PRMT3: variants seen among roughly 807,000 people sequenced by gnomAD.
The protein encoded by PRMT3 is protein arginine methyltransferase 3, also known as protein arginine N-methyltransferase 3.
Under a neutral mutation model 71.9 loss-of-function variants are expected in PRMT3, and 62 were observed. The observed-to-expected ratio is 0.86, with a 90% CI of 0.70 to 1.07. The LOEUF is 1.07. Among genes scored for constraint, PRMT3 ranks in the 50% least tolerant of loss-of-function variants. The probability of loss-of-function intolerance (pLI) is 0.00; values close to 1 mark genes in which losing one functional copy is unlikely to be tolerated. For missense variants in PRMT3, 663 were observed against 643.0 expected (o/e 1.03, Z -0.34); for synonymous variants, 213 against 220.4 (o/e 0.97, Z 0.30).
intron 5 of PRMT3, 47 bp from the exon 6 acceptor site, chr11:20,395,756 T>G: frequency 6.4e-7 from 1 of 1,553,318 alleles, no homozygotes. Flanking sequence ...TATACTTGTT[T>G]TATTGTTATA....
At chr11:20,404,879 C>T (rs1849037758) in intron 8 of PRMT3, among the ~76,000 whole-genome samples, 2 of 151,986 alleles carry the variant, frequency 1.3e-5, no homozygotes, top group African/African-American at 4.8e-5. Flanking sequence ...TTCTTTTAGC[C>T]ATCTTCTCTT....
At chr11:20,460,128 T>C (rs1452795020) in intron 11 of PRMT3, among the ~76,000 whole-genome samples, 2 of 152,232 alleles carry the variant, frequency 1.3e-5, no homozygotes, top group African/African-American at 4.8e-5. Context: ...GAGAATAATT[T>C]AGTGCTGCTG....
chr11:20,446,555 A>G (rs943276032), intron 10 of PRMT3, among the ~76,000 whole-genome samples: 4 of 152,110 alleles, frequency 2.6e-5, no homozygotes, highest in Non-Finnish European at 5.9e-5. Context: ...AATATTCTCC[A>G]TAAGCTCTAT....
chr11:20,402,281 G>A (rs1437030106), intron 7 of PRMT3, among the ~76,000 whole-genome samples: 1 of 151,844 alleles, frequency 6.6e-6, no homozygotes, highest in African/African-American at 2.4e-5. Flanking sequence ...CACCACACCC[G>A]ACTAATTTTG....
chr11:20,483,255 G>C (rs1395335434), intron 13 of PRMT3, among the ~76,000 whole-genome samples: 1 of 152,020 alleles, frequency 6.6e-6, no homozygotes, highest in Non-Finnish European at 1.5e-5. Context: ...ATGCTGCGTT[G>C]ATTTGTAAAT....
rs575753683 is a variant in PRMT3 at position 20,480,462 on chromosome 11, A to G, written c.1348-13457A>G. 9.6e-4 allele frequency among the ~76,000 whole-genome samples: 146 copies of G among 152,330 alleles called. 2 individuals carry two copies. In the South Asian group the frequency reaches 0.03, roughly 31 times the overall value. ...AGGTTTAAGGAGTTGAAAGAAGCCT[A>G]GGATGGCTGGGACATGTAGATCATA... On this transcript the variant is annotated intron_variant, in intron 13 of 15. Transcript: ENST00000331079.
At chr11:20,468,007 T>A (rs1850553603) in intron 13 of PRMT3, among the ~76,000 whole-genome samples, 1 of 152,186 alleles carries the variant, frequency 6.6e-6, no homozygotes, top group South Asian at 2.1e-4. Context: ...GTCGCCCAGT[T>A]TATGTGGGAA....
At chr11:20,453,094 G>A (rs562752032) in intron 11 of PRMT3, among the ~76,000 whole-genome samples, 1 of 152,160 alleles carries the variant, frequency 6.6e-6, no homozygotes, top group Admixed American at 6.5e-5. Flanking sequence ...AAAGGGGCAG[G>A]CATTTCAAAC....
At chr11:20,504,412 A>C (rs1183466404) in intron 15 of PRMT3, among the ~76,000 whole-genome samples, 141 of 152,286 alleles carry the variant, frequency 9.3e-4, no homozygotes, top group African/African-American at 3.3e-3. Flanking sequence ...ACAAAATGGC[A>C]AGATTTACAC....
At chr11:20,439,396 A>G (rs1379070054) in intron 10 of PRMT3, among the ~76,000 whole-genome samples, 4 of 152,150 alleles carry the variant, frequency 2.6e-5, no homozygotes, top group South Asian at 4.1e-4. Context: ...CAATGTGGCC[A>G]TCCTGAGTTT....
At chr11:20,498,527 G>C (rs535240879) in intron 15 of PRMT3, among the ~76,000 whole-genome samples, 1 of 152,264 alleles carries the variant, frequency 6.6e-6, no homozygotes, top group African/African-American at 2.4e-5. Context: ...TCAGGAGTTC[G>C]AGACAGGCCT....
At chr11:20,467,525 G>A (rs1417713637) in intron 13 of PRMT3, among the ~76,000 whole-genome samples, 7 of 152,174 alleles carry the variant, frequency 4.6e-5, no homozygotes, top group Non-Finnish European at 1.5e-5. Flanking sequence ...CAGGCTTCGT[G>A]TTGCATTTGA....
intron 10 of PRMT3, among the ~76,000 whole-genome samples, chr11:20,438,497 G>A (rs1320306169): frequency 6.6e-6 from 1 of 152,090 alleles, no homozygotes; most frequent in Non-Finnish European, 1.5e-5. Flanking sequence ...ACTCGTGGGG[G>A]TTAGTCTAGC....
chr11:20,387,826 G>A lies in PRMT3; in HGVS notation c.28+52G>A, dbSNP rs1848628372. The stretch of plus-strand genomic sequence containing the variant: ...GGCTCGTCCAGCCCCAGGCCGCGCC[G>A]CTGTGGGGCCGGTGGAAGACCCTCC... On this transcript the variant is annotated intron_variant, in intron 1 of 15. Transcript: ENST00000331079. This position sits in a 1 kb window ranked among gnomAD's most constrained non-coding sequence, Gnocchi z 4.3. The A allele has an allele frequency of 6.5e-7, 1 of 1,539,274 alleles. No individual in the cohort carries two copies. The highest frequency in any genetic ancestry group is 8.7e-7 in the Non-Finnish European group (1 of 1,145,148).
intron 10 of PRMT3, among the ~76,000 whole-genome samples, chr11:20,439,958 AG>A (rs1298929338): frequency 2.6e-5 from 4 of 152,206 alleles, no homozygotes; most frequent in Non-Finnish European, 5.9e-5. Context: ...CATACTCATA[AG>A]GTCACTTGAT....
chr11:20,396,312 G>A (rs1253048525), intron 6 of PRMT3, among the ~76,000 whole-genome samples: 1 of 152,046 alleles, frequency 6.6e-6, no homozygotes, highest in Non-Finnish European at 1.5e-5. Flanking sequence ...GAGGTTTGGG[G>A]AAAATACAGG....
At chr11:20,504,688 A>T (rs10766681) in intron 15 of PRMT3, among the ~76,000 whole-genome samples, 1 of 115,774 alleles carries the variant, frequency 8.6e-6, no homozygotes, top group South Asian at 2.9e-4. Flanking sequence ...CAAGTATTGT[A>T]TGTGTGTGTG....
intron 9 of PRMT3, among the ~76,000 whole-genome samples, chr11:20,415,429 G>A (rs1237934731): frequency 1.3e-5 from 2 of 152,118 alleles, no homozygotes; most frequent in Non-Finnish European, 2.9e-5. Flanking sequence ...GTATAAAGCT[G>A]TACTCACAGC....
At chr11:20,471,291 G>A (rs1401451843) in intron 13 of PRMT3, among the ~76,000 whole-genome samples, 6 of 152,010 alleles carry the variant, frequency 3.9e-5, no homozygotes, top group Non-Finnish European at 8.8e-5. Context: ...ATCTTTGCCC[G>A]TGCCTATGTC....
Sources: gnomAD v4.1 joint callset for allele counts (sites outside exome capture counted in the v4.1 genomes callset) on GRCh38, gnomAD v4.1.1 for gene constraint, Gnocchi (gnomAD v3.1) non-coding constraint, MANE v1.5 for transcripts, NCBI Gene and HGNC (gene_info 2026-07-23, HGNC 2026-07-21) for gene names.